TCF7L2: variants seen among roughly 807,000 people sequenced by gnomAD.
The protein encoded by TCF7L2 is transcription factor 7 like 2, also known as transcription factor 7-like 2.
A neutral mutation model predicts 77.9 loss-of-function variants in TCF7L2; 23 were observed. That is an observed-to-expected ratio of 0.30 (90% CI 0.21 to 0.42). The LOEUF (loss-of-function observed/expected upper bound fraction) is 0.42, where lower values mean the gene tolerates loss of function less well. TCF7L2 is among the 10% of genes least tolerant of loss of function. TCF7L2 has a pLI of 1.00. For missense variants in TCF7L2, 654 were observed against 793.1 expected (o/e 0.82, Z 2.11); for synonymous variants, 413 against 340.2 (o/e 1.21, Z -2.36).
At chr10:113,041,640 G>T (rs1316188234) in intron 5 of TCF7L2, among the ~76,000 whole-genome samples, 2 of 152,292 alleles carry the variant, frequency 1.3e-5, no homozygotes, top group Non-Finnish European at 2.9e-5. Context: ...TAAAGAAGTT[G>T]CTGGTTGGGG....
chr10:113,089,624 C>T (rs1336219036), intron 5 of TCF7L2: 12 of 1,522,994 alleles, frequency 7.9e-6, no homozygotes, highest in Non-Finnish European at 1.1e-5. Context: ...CTCTCTAGGG[C>T]AGGGCCCATC....
At chr10:113,055,256 C>G (rs1438840885) in intron 5 of TCF7L2, among the ~76,000 whole-genome samples, 1 of 152,204 alleles carries the variant, frequency 6.6e-6, no homozygotes, top group Non-Finnish European at 1.5e-5. Flanking sequence ...AGCATATAAA[C>G]TCTTTCCTCA....
intron 5 of TCF7L2, among the ~76,000 whole-genome samples, chr10:113,134,830 C>T (rs909767723): frequency 1.3e-5 from 2 of 152,190 alleles, no homozygotes; most frequent in Admixed American, 6.5e-5. Context: ...CTTCCATGCC[C>T]ACCCTGAGGA....
At chr10:112,968,321 C>T (rs2037461834) in intron 4 of TCF7L2, among the ~76,000 whole-genome samples, 1 of 152,202 alleles carries the variant, frequency 6.6e-6, no homozygotes, top group South Asian at 2.1e-4. Flanking sequence ...TCCTCCTCTT[C>T]CTCCTCAGCC....
At chr10:113,037,320 A>G (rs143759801) in intron 4 of TCF7L2, among the ~76,000 whole-genome samples, 1 of 152,130 alleles carries the variant, frequency 6.6e-6, no homozygotes, top group African/African-American at 2.4e-5. Flanking sequence ...TGCACTGGGA[A>G]GGAGAGTTTG....
At chr10:112,966,188 A>ATATATT (rs2036814308) in intron 4 of TCF7L2, among the ~76,000 whole-genome samples, 2 of 74,762 alleles carry the variant, frequency 2.7e-5, no homozygotes, top group South Asian at 3.4e-4. Flanking sequence ...ATATATTTAT[A>ATATATT]TATATATATA....
Position 113,104,502 on chromosome 10 carries a change from C to T in TCF7L2, c.553-36682C>T, listed in dbSNP as rs568994625. On this transcript the variant is annotated intron_variant, in intron 5 of 13. Coordinates refer to ENST00000627217, the MANE Select transcript of TCF7L2 (RefSeq NM_001146274.2). ...AGAAGTGAGATTTTACCCCTAACGC[C>T]GTCTCCCAGCCTCTTATTTATCCTT... Among the ~76,000 whole-genome samples, 8 of 152,202 alleles carry T rather than the reference C, an allele frequency of 5.3e-5. No homozygotes were observed. The South Asian group carries it at 1.2e-3, about 24-fold the overall frequency.
intron 5 of TCF7L2, among the ~76,000 whole-genome samples, chr10:113,077,903 T>G (rs1198818747): frequency 7.2e-5 from 10 of 139,238 alleles, no homozygotes; most frequent in African/African-American, 2.7e-4. Flanking sequence ...ATTTATTTAT[T>G]TATTGTATTT....
intron 3 of TCF7L2, among the ~76,000 whole-genome samples, chr10:112,963,115 A>G (rs1474890591): frequency 6.6e-6 from 1 of 152,106 alleles, no homozygotes; most frequent in African/African-American, 2.4e-5. Flanking sequence ...TATATATGTA[A>G]TGTTTTCTAT....
intron 4 of TCF7L2, among the ~76,000 whole-genome samples, chr10:113,028,097 C>T (rs1436171708): frequency 6.6e-6 from 1 of 152,212 alleles, no homozygotes; most frequent in Admixed American, 6.5e-5. Context: ...GATGGTCTAG[C>T]AGACCTCCCA....
At chr10:113,040,278 G>A (rs2052208658) in intron 5 of TCF7L2, 152 bp downstream of exon 5, 1 of 680,348 alleles carries the variant, frequency 1.5e-6, no homozygotes, top group Non-Finnish European at 2.4e-6. Flanking sequence ...ATATCTATAA[G>A]GTATTCATTT....
intron 4 of TCF7L2, chr10:112,987,759 G>A (rs1236735171): frequency 1.3e-5 from 2 of 157,484 alleles, no homozygotes; most frequent in Non-Finnish European, 2.8e-5. Flanking sequence ...ATCTGCTCCT[G>A]TCCCAGCAGC....
chr10:113,002,639 G>A (rs559269216), intron 4 of TCF7L2, among the ~76,000 whole-genome samples: 35 of 152,204 alleles, frequency 2.3e-4, no homozygotes, highest in Admixed American at 1.7e-3. Context: ...CCCCAGTCCT[G>A]GTGTTGGTTG....
At chr10:112,982,895 G>C (rs2040746097) in intron 4 of TCF7L2, among the ~76,000 whole-genome samples, 1 of 152,100 alleles carries the variant, frequency 6.6e-6, no homozygotes, top group Non-Finnish European at 1.5e-5. Flanking sequence ...AAAGTGCTGG[G>C]ATTACAGGTG....
intron 4 of TCF7L2, among the ~76,000 whole-genome samples, chr10:112,996,079 A>T (rs181634112): frequency 6.6e-6 from 1 of 152,288 alleles, no homozygotes; most frequent in East Asian, 1.9e-4. Context: ...GCTTGATCCT[A>T]TGCGGTGGGC....
chr10:113,051,805 T>C (rs2054523634), intron 5 of TCF7L2, among the ~76,000 whole-genome samples: 1 of 152,224 alleles, frequency 6.6e-6, no homozygotes, highest in East Asian at 1.9e-4. Context: ...CTTTTCTGGC[T>C]TCTGTTTAAC....
At position 113,040,113 on chromosome 10, in the gene TCF7L2, C is replaced by T. The variant is rs753187602; in HGVS notation, c.539C>T (p.Pro180Leu). The T allele has an allele frequency of 6.2e-6, 10 of 1,613,578 alleles. No homozygotes were observed. The highest frequency in any genetic ancestry group is 2.2e-5 in the East Asian group (1 of 44,878). ...CTCAAGGATGCCCGGTCCCCATCAC[C>T]GGCACACATTGTCGTAAGTAACCTC... Residue 180 changes from proline (P) to leucine (L), a missense_variant, in exon 5 of 14, where the codon CCG (proline) becomes CTG (leucine). This residue lies in a region of TCF7L2 where 179 missense variants were observed against 270.6 expected (regional missense o/e 0.66). Transcript: ENST00000627217.
At chr10:113,086,486 T>C (rs1379113552) in intron 5 of TCF7L2, among the ~76,000 whole-genome samples, 1 of 152,232 alleles carries the variant, frequency 6.6e-6, no homozygotes, top group Non-Finnish European at 1.5e-5. Context: ...TCTGTGACCT[T>C]GATTCTGAAC....
intron 5 of TCF7L2, among the ~76,000 whole-genome samples, chr10:113,062,388 T>C (rs1001702626): frequency 1.3e-5 from 2 of 152,186 alleles, no homozygotes; most frequent in African/African-American, 4.8e-5. Flanking sequence ...CCATGTTCGC[T>C]ACGAGGAAAT....
Sources: allele counts gnomAD v4.1 joint callset (sites outside exome capture counted in the v4.1 genomes callset), GRCh38; gene constraint gnomAD v4.1.1; regional missense constraint gnomAD v4.1.1; transcripts MANE v1.5; gene names NCBI Gene and HGNC (gene_info 2026-07-23, HGNC 2026-07-21).